The following NBAS variants were observed in gnomAD, a reference collection of about 807,000 sequenced individuals.
NBAS encodes the protein NBAS subunit of NRZ tethering complex, also known as NAG/BC035112 fusion.
NBAS carries 219 observed loss-of-function variants against 302.5 expected under a neutral mutation model. The ratio of observed to expected loss-of-function variants is 0.72; its 90% CI spans 0.65 to 0.81. The LOEUF (loss-of-function observed/expected upper bound fraction) is 0.81, where lower values mean the gene tolerates loss of function less well. Ranked by LOEUF, NBAS falls within the 30% of genes least tolerant of loss-of-function variation. The probability of loss-of-function intolerance (pLI) is 0.00; values close to 1 mark genes in which losing one functional copy is unlikely to be tolerated. For synonymous variants in NBAS, 1,118 were observed against 1,021.6 expected (o/e 1.09, Z -1.80); for missense variants, 2,932 against 2,841.6 (o/e 1.03, Z -0.72).
intron 38 of NBAS, among the ~76,000 whole-genome samples, chr2:15,318,224 C>G (rs1671609868): frequency 6.6e-6 from 1 of 152,204 alleles, no homozygotes; most frequent in African/African-American, 2.4e-5. Flanking sequence ...CCAGGCCTGC[C>G]TTACAAGAGC....
chr2:15,460,780 T>A (rs756669832), intron 21 of NBAS, among the ~76,000 whole-genome samples: 3 of 152,220 alleles, frequency 2.0e-5, no homozygotes, highest in Non-Finnish European at 4.4e-5. Context: ...TTTGTGCCTG[T>A]GGAATTTCCT....
the NBAS span, among the ~76,000 whole-genome samples, chr2:14,928,664 T>C: frequency 6.6e-6 from 1 of 150,550 alleles, no homozygotes; most frequent in African/African-American, 2.4e-5. Flanking sequence ...TGGGTTTTGT[T>C]TTTTTTTTTA....
intron 21 of NBAS, among the ~76,000 whole-genome samples, chr2:15,458,177 T>C (rs1679335168): frequency 6.6e-6 from 1 of 152,096 alleles, no homozygotes. Context: ...GAAATAAGTA[T>C]GACTATAACA....
intron 21 of NBAS, among the ~76,000 whole-genome samples, chr2:15,452,223 A>C (rs1386823788): frequency 6.6e-6 from 1 of 152,214 alleles, no homozygotes; most frequent in Non-Finnish European, 1.5e-5. Flanking sequence ...TGAACTGTAC[A>C]CTTAAAAATA....
chr2:15,259,015 A>G (rs535912977), intron 44 of NBAS, among the ~76,000 whole-genome samples: 1 of 152,286 alleles, frequency 6.6e-6, no homozygotes, highest in Admixed American at 6.5e-5. Flanking sequence ...TATTTCTCAG[A>G]TCAGCTAACA....
At chr2:15,020,164 A>C in the NBAS span, among the ~76,000 whole-genome samples, 2 of 152,198 alleles carry the variant, frequency 1.3e-5, no homozygotes, top group Non-Finnish European at 2.9e-5. Flanking sequence ...AAGGGAAGAG[A>C]GTTTCCAAAG....
At chr2:15,165,888 T>G (rs1037749144), downstream of NBAS, among the ~76,000 whole-genome samples, 2 of 152,200 alleles carry the variant, frequency 1.3e-5, no homozygotes, top group Non-Finnish European at 1.5e-5. Flanking sequence ...TTCCTATTAA[T>G]ACACAGCCAC....
the NBAS span, among the ~76,000 whole-genome samples, chr2:14,873,031 G>A: frequency 5.9e-5 from 9 of 152,218 alleles, no homozygotes; most frequent in African/African-American, 1.4e-4. Flanking sequence ...TTCCACGTGC[G>A]GAAGGGGACT....
the NBAS span, among the ~76,000 whole-genome samples, chr2:14,861,970 A>T: frequency 5.3e-4 from 81 of 152,354 alleles, no homozygotes; most frequent in African/African-American, 1.9e-3. Flanking sequence ...AAAGTCCCAG[A>T]TAGGAATTAA....
At chr2:15,456,164 C>T in intron 21 of NBAS, among the ~76,000 whole-genome samples, 1 of 152,190 alleles carries the variant, frequency 6.6e-6, no homozygotes, top group Non-Finnish European at 1.5e-5. Flanking sequence ...CACATTTCAT[C>T]AATGTCAAAT....
intron 38 of NBAS, among the ~76,000 whole-genome samples, chr2:15,318,637 G>A (rs901936941): frequency 2.0e-5 from 3 of 152,064 alleles, no homozygotes; most frequent in Admixed American, 6.6e-5. Flanking sequence ...CCAACAAAGA[G>A]CAAAAGAGAC....
chr2:15,414,412 C>A (rs564331291), intron 25 of NBAS, among the ~76,000 whole-genome samples: 1 of 152,182 alleles, frequency 6.6e-6, no homozygotes, highest in African/African-American at 2.4e-5. Context: ...ACAAAGTCAG[C>A]GCCTTCTGTG....
At chr2:15,041,795 G>A in the NBAS span, among the ~76,000 whole-genome samples, 3 of 152,198 alleles carry the variant, frequency 2.0e-5, no homozygotes, top group Non-Finnish European at 2.9e-5. Flanking sequence ...TGTGAGAAAC[G>A]TTAGCCACCT....
Position 15,186,811 on chromosome 2 carries a change from T to C in NBAS, c.6642A>G (p.Glu2214=), listed in dbSNP as rs753664412. Residue 2214 remains glutamate, a synonymous_variant, in exon 50 of 52, where the codon GAA becomes GAG. Transcript: ENST00000281513. ...MLTRCTMENK[E]GLGNEVLKMC... ...TTTTCAAAACTTCATTCCCCAATCC[T>C]TCCTTGTTCTCCATCGTACATCTGG... The C allele has an allele frequency of 1.9e-6, 3 of 1,613,922 alleles. No individual in the cohort carries two copies. The highest frequency in any genetic ancestry group is 2.5e-6 in the Non-Finnish European group (3 of 1,179,962).
the NBAS span, among the ~76,000 whole-genome samples, chr2:15,024,320 T>C: frequency 6.6e-6 from 1 of 152,118 alleles, no homozygotes. Flanking sequence ...TTCTTTTTTA[T>C]GGCTGCATAG....
the NBAS span, among the ~76,000 whole-genome samples, chr2:14,888,769 G>A: frequency 6.6e-6 from 1 of 152,302 alleles, no homozygotes; most frequent in East Asian, 1.9e-4. Context: ...AAGTCAGATA[G>A]ATGCAGCTGG....
the NBAS span, among the ~76,000 whole-genome samples, chr2:15,030,107 T>C: frequency 2.6e-5 from 4 of 152,232 alleles, no homozygotes; most frequent in East Asian, 7.7e-4. Flanking sequence ...ATGTTGTTTC[T>C]GCTCTTAATT....
chr2:14,916,470 A>C, the NBAS span, among the ~76,000 whole-genome samples: 2 of 152,354 alleles, frequency 1.3e-5, no homozygotes, highest in South Asian at 2.1e-4. Flanking sequence ...CCTTAAAAAA[A>C]TCAGAGAGCT....
the NBAS span, among the ~76,000 whole-genome samples, chr2:14,817,976 C>T: frequency 6.6e-6 from 1 of 152,166 alleles, no homozygotes; most frequent in Admixed American, 6.5e-5. Context: ...CTGCTCTACA[C>T]ATCTCTAAGC....
Sources: gnomAD v4.1 joint callset for allele counts (sites outside exome capture counted in the v4.1 genomes callset) on GRCh38, gnomAD v4.1.1 for gene constraint, MANE v1.5 for transcripts, NCBI Gene and HGNC (gene_info 2026-07-23, HGNC 2026-07-21) for gene names.